Variants in MTF2 observed in about 807,000 individuals in gnomAD.
MTF2 encodes metal-response element-binding transcription factor 2.
In MTF2, 11 loss-of-function variants were observed where a neutral mutation model predicts 79.5. The ratio of observed to expected loss-of-function variants is 0.14; its 90% confidence interval spans 0.09 to 0.23. MTF2 has a LOEUF of 0.23. Ranked by LOEUF, MTF2 falls within the 10% of genes least tolerant of loss-of-function variation. The pLI, the probability that MTF2 is intolerant of heterozygous loss-of-function variation, is 1.00. For missense variants in MTF2, 486 were observed against 711.2 expected, an observed-to-expected ratio of 0.68 and a Z score of 3.60; for synonymous variants, 208 against 232.8, an observed-to-expected ratio of 0.89 and a Z score of 0.97.
chr1:93,123,769 C>CG (rs1053665060), intron 9 of MTF2, among the ~76,000 whole-genome samples: 6 of 148,620 alleles, frequency 4.0e-5, no homozygotes, highest in African/African-American at 1.2e-4. Flanking sequence ...TGTCCCCCCC[C>CG]CCTTTTTTTA....
intron 6 of MTF2, 52 bp from the exon 7 acceptor site, chr1:93,118,293 C>A: frequency 1.1e-4 from 107 of 988,308 alleles, no homozygotes; most frequent in Middle Eastern, 2.8e-4. Context: ...AGAAATGAAC[C>A]TTTCCCTTAA....
Position 93,108,802 on chromosome 1 carries a change from G to A in MTF2, c.6-1428G>A, listed in dbSNP as rs867885650. Among the ~76,000 whole-genome samples, 17 of 152,066 alleles carry A rather than the reference G, an allele frequency of 1.1e-4. No individual in the cohort carries two copies. In the East Asian group the frequency reaches 1.7e-3, roughly 16 times the overall value. On this transcript the variant is annotated intron_variant, in intron 1 of 14. Coordinates refer to ENST00000370298, the MANE Select transcript of MTF2 (RefSeq NM_007358.4). ...TATTTCTTTCAAACTGAAACACTCC[G>A]TACCCATTAAACACTAACTCCCTAT...
intron 1 of MTF2, among the ~76,000 whole-genome samples, chr1:93,098,191 C>T (rs1453135750): frequency 6.6e-6 from 1 of 152,124 alleles, no homozygotes; most frequent in South Asian, 2.1e-4. Flanking sequence ...ACATATGTTC[C>T]CTAGGCTTAT....
At chr1:93,093,774 G>GATCATAA (rs1655167982) in intron 1 of MTF2, among the ~76,000 whole-genome samples, 3 of 152,082 alleles carry the variant, frequency 2.0e-5, no homozygotes. Flanking sequence ...TCACAGGCAT[G>GATCATAA]ATCATAGTAC....
At chr1:93,088,613 G>A (rs770134843) in intron 1 of MTF2, among the ~76,000 whole-genome samples, 10 of 151,940 alleles carry the variant, frequency 6.6e-5, no homozygotes, top group Admixed American at 2.6e-4. Flanking sequence ...TTGCCCAGGC[G>A]GGAATGCAGT....
chr1:93,080,523 A>G (rs1654561710), intron 1 of MTF2, among the ~76,000 whole-genome samples: 1 of 152,258 alleles, frequency 6.6e-6, no homozygotes, highest in South Asian at 2.1e-4. Flanking sequence ...GATAGAAACC[A>G]TGTAACACTA....
intron 1 of MTF2, among the ~76,000 whole-genome samples, chr1:93,086,516 A>AAT (rs1553148522): frequency 1.7e-4 from 25 of 150,368 alleles, no homozygotes; most frequent in African/African-American, 5.6e-4. Flanking sequence ...AAAAAAAAAA[A>AAT]GATGAGGAAG....
chr1:93,123,088 A>G (rs1389745936), intron 9 of MTF2, among the ~76,000 whole-genome samples: 1 of 152,064 alleles, frequency 6.6e-6, no homozygotes, highest in Non-Finnish European at 1.5e-5. Flanking sequence ...TCTTGTTCCA[A>G]ATCTTATAAA....
Position 93,079,421 on chromosome 1 carries a change from T to C in MTF2, c.-106T>C. 7.1e-7 allele frequency: 1 copy of C among 1,407,744 alleles called. No homozygotes were observed. The highest frequency in any genetic ancestry group is 1.0e-6 in the Non-Finnish European group (1 of 996,724). 87.2% of individuals were successfully genotyped at this position (1,407,744 alleles called of 1,614,324 possible). ...GCGTGCATATGTGCCGGGTACCCGG[T>C]GGGGCGGGTGCCCAGTAAGTGCTCG... On this transcript the variant is annotated 5_prime_UTR_variant, in exon 1 of 15. Transcript: ENST00000370298.
At position 93,136,771 on chromosome 1, in the gene MTF2, A is replaced by G; in HGVS notation, c.1526A>G (p.Gln509Arg). 2.5e-6 allele frequency: 4 copies of G among 1,614,216 alleles called. No homozygotes were observed. The highest frequency in any genetic ancestry group is 1.1e-5 in the South Asian group (1 of 91,088). The change falls in exon 15 of 15, where the codon CAG (glutamine) becomes CGG (arginine). Residue 509 changes from glutamine (Q) to arginine (R), a missense_variant. Coordinates refer to ENST00000370298, the MANE Select transcript of MTF2 (RefSeq NM_007358.4). ...RRGRLPRRAL[Q>R]TQNSEIVKDD... Reference sequence around the variant, plus strand: ...GGTCGTCTTCCAAGAAGAGCACTCCAGACTCAGAACTCAGAAATTGTAAAA... The same window carrying G: ...GGTCGTCTTCCAAGAAGAGCACTCCGGACTCAGAACTCAGAAATTGTAAAA...
At chr1:93,081,515 C>T (rs980660874) in intron 1 of MTF2, among the ~76,000 whole-genome samples, 3 of 152,216 alleles carry the variant, frequency 2.0e-5, no homozygotes, top group South Asian at 2.1e-4. Flanking sequence ...TTTAGTTAGT[C>T]GACACTTCCA....
intron 1 of MTF2, among the ~76,000 whole-genome samples, chr1:93,109,905 A>C (rs566257498): frequency 6.6e-6 from 1 of 152,326 alleles, no homozygotes; most frequent in South Asian, 2.1e-4. Flanking sequence ...CATGAGATTC[A>C]AGACATTATT....
At chr1:93,130,170 G>A (rs1656861379) in intron 11 of MTF2, among the ~76,000 whole-genome samples, 1 of 152,186 alleles carries the variant, frequency 6.6e-6, no homozygotes, top group Non-Finnish European at 1.5e-5. Flanking sequence ...GTAGCATCAG[G>A]TATTGGAAAG....
intron 9 of MTF2, among the ~76,000 whole-genome samples, chr1:93,124,167 G>T (rs549703391): frequency 1.3e-4 from 19 of 151,942 alleles, no homozygotes; most frequent in Non-Finnish European, 2.4e-4. Context: ...TCCTTATGTA[G>T]TTTTTGTACT....
chr1:93,116,525 ACAGGTT>A (rs1656257042), intron 6 of MTF2, among the ~76,000 whole-genome samples: 2 of 97,306 alleles, frequency 2.1e-5, no homozygotes, highest in African/African-American at 9.5e-5. Flanking sequence ...TTTTTTTGAG[ACAGGTT>A]CTTGCTCTGT....
chr1:93,126,790 A>C (rs1052773375), intron 9 of MTF2, among the ~76,000 whole-genome samples: 1 of 152,076 alleles, frequency 6.6e-6, no homozygotes, highest in Non-Finnish European at 1.5e-5. Context: ...GAGGTACTGG[A>C]AAATGGTATG....
intron 3 of MTF2, among the ~76,000 whole-genome samples, chr1:93,112,612 T>G (rs1656073854): frequency 6.6e-6 from 1 of 152,234 alleles, no homozygotes; most frequent in African/African-American, 2.4e-5. Flanking sequence ...TCTAGCAGTT[T>G]ATTCATAAGA....
rs958406569 is a variant in MTF2, at chr1:93,110,135, A to G, written c.6-95A>G. Reference sequence around the variant, plus strand: ...ATATTTTTGTCTTAAGGTTTTTAACAAATTTAAAACTTTGATTAACATATA... The same window carrying G: ...ATATTTTTGTCTTAAGGTTTTTAACGAATTTAAAACTTTGATTAACATATA... On this transcript the variant is annotated intron_variant, in intron 1 of 14. Transcript: ENST00000370298. 9.8e-6 allele frequency: 12 copies of G among 1,224,930 alleles called. No homozygotes were observed. The African/African-American group carries it at 1.8e-4, about 19-fold the overall frequency. The allele number at this position is 1,224,930 out of a possible 1,614,324, so 75.9% of individuals were successfully genotyped here.
At chr1:93,089,383 T>C (rs1319862920) in intron 1 of MTF2, among the ~76,000 whole-genome samples, 2 of 152,228 alleles carry the variant, frequency 1.3e-5, no homozygotes, top group African/African-American at 4.8e-5. Context: ...CTTTGATTAG[T>C]TTATTCAAGA....
Sources: allele counts gnomAD v4.1 joint callset (sites outside exome capture counted in the v4.1 genomes callset), GRCh38; gene constraint gnomAD v4.1.1; transcripts MANE v1.5; gene names NCBI Gene and HGNC (gene_info 2026-07-23, HGNC 2026-07-21).